OPCML: variants seen among roughly 807,000 people sequenced by gnomAD.
The protein encoded by OPCML is opioid-binding protein/cell adhesion molecule.
Under a neutral mutation model 37.8 loss-of-function variants are expected in OPCML, and 13 were observed. The observed-to-expected ratio is 0.34, with a 90% confidence interval of 0.22 to 0.55. The LOEUF is 0.55. Among genes scored for constraint, OPCML ranks in the 20% least tolerant of loss-of-function variants. The pLI is 0.91. For missense variants in OPCML, 341 were observed against 435.6 expected (o/e 0.78, Z 1.93); for synonymous variants, 176 against 168.8 (o/e 1.04, Z -0.33).
At chr11:133,004,632 G>A (rs1441767708) in intron 1 of OPCML, 16 of 985,344 alleles carry the variant, frequency 1.6e-5, no homozygotes, top group South Asian at 9.4e-5. Context: ...TGCCCCCACT[G>A]CTAACAGCTG....
intron 1 of OPCML, chr11:133,418,147 CAAGAAAGACTGGAA>C: frequency 1.0e-6 from 1 of 985,362 alleles, no homozygotes; most frequent in Non-Finnish European, 1.2e-6. Flanking sequence ...AGGAAACAAT[CAAGAAAGACTGGAA>C]AATACTCTCG....
At chr11:132,825,862 G>A (rs1940291797) in intron 2 of OPCML, among the ~76,000 whole-genome samples, 1 of 152,180 alleles carries the variant, frequency 6.6e-6, no homozygotes, top group South Asian at 2.1e-4. Flanking sequence ...ATATGCCCCT[G>A]GGCCGATGGG....
intron 1 of OPCML, among the ~76,000 whole-genome samples, chr11:133,022,992 C>T (rs966797268): frequency 6.6e-6 from 1 of 152,216 alleles, no homozygotes; most frequent in Non-Finnish European, 1.5e-5. Context: ...TATTTGTACA[C>T]GCATTACACC....
intron 2 of OPCML, among the ~76,000 whole-genome samples, chr11:132,791,081 A>G (rs967407841): frequency 2.0e-5 from 3 of 152,190 alleles, no homozygotes; most frequent in African/African-American, 7.2e-5. Context: ...GGGTATTGTA[A>G]CACTCTCATC....
intron 2 of OPCML, among the ~76,000 whole-genome samples, chr11:132,891,052 A>G (rs1432224007): frequency 6.6e-6 from 1 of 152,132 alleles, no homozygotes; most frequent in Non-Finnish European, 1.5e-5. Flanking sequence ...GCAATTTACA[A>G]GCCACATCCA....
chr11:132,948,820 TA>T (rs1165273636), intron 1 of OPCML, among the ~76,000 whole-genome samples: 2 of 152,048 alleles, frequency 1.3e-5, no homozygotes, highest in Non-Finnish European at 2.9e-5. Context: ...ATTTGTGACA[TA>T]AAAAAAGATG....
At chr11:132,633,190 G>A (rs1940261274) in intron 3 of OPCML, among the ~76,000 whole-genome samples, 1 of 152,020 alleles carries the variant, frequency 6.6e-6, no homozygotes, top group African/African-American at 2.4e-5. Flanking sequence ...TGTTTGAGGG[G>A]GACAATCGGT....
intron 1 of OPCML, among the ~76,000 whole-genome samples, chr11:133,102,841 T>C (rs1055655937): frequency 1.3e-5 from 2 of 152,140 alleles, no homozygotes; most frequent in African/African-American, 4.8e-5. Flanking sequence ...TGTATGTCTG[T>C]GTTGATGTGA....
At chr11:132,745,494 T>C (rs1240569163) in intron 2 of OPCML, among the ~76,000 whole-genome samples, 1 of 149,006 alleles carries the variant, frequency 6.7e-6, no homozygotes, top group Non-Finnish European at 1.5e-5. Context: ...CCATGTAACC[T>C]TTCTCCTCTC....
At chr11:133,510,901 A>ATG (rs1260087673) in intron 1 of OPCML, among the ~76,000 whole-genome samples, 320 of 150,560 alleles carry the variant, frequency 2.1e-3, no homozygotes, top group African/African-American at 7.5e-3. Flanking sequence ...ACACACACAC[A>ATG]CGCACACACA....
At position 132,539,021 on chromosome 11, in the gene OPCML, T is replaced by C. The variant is rs1001004743; in HGVS notation, c.380-9835A>G. ...TCTGTGTTCCATGACAACATATGTA[T>C]AACGATGTAATATATTCATTGAAAA... On this transcript the variant is annotated intron_variant, in intron 3 of 7. Transcript: ENST00000524381. Among the ~76,000 whole-genome samples the C allele has an allele frequency of 2.0e-5, 3 of 152,338 alleles. No homozygotes were observed. The East Asian group carries it at 5.8e-4, about 29-fold the overall frequency.
chr11:132,768,883 G>A (rs549922170), intron 2 of OPCML, among the ~76,000 whole-genome samples: 5 of 152,244 alleles, frequency 3.3e-5, no homozygotes, highest in South Asian at 2.1e-4. Flanking sequence ...GGGAAGAAGC[G>A]GGAGGAGAAA....
chr11:133,200,690 C>T (rs184567479), intron 1 of OPCML, among the ~76,000 whole-genome samples: 111 of 152,226 alleles, frequency 7.3e-4, no homozygotes, highest in African/African-American at 2.3e-3. Flanking sequence ...ATTTTTTCCA[C>T]GTAACAATAT....
intron 2 of OPCML, among the ~76,000 whole-genome samples, chr11:132,883,284 A>G (rs36093506): frequency 0.051 from 7,629 of 149,952 alleles, 222 homozygotes; most frequent in Middle Eastern, 0.074. Context: ...AAAAAAAAAA[A>G]GGGGGCTGAA....
chr11:133,421,279 G>C (rs1208712925), intron 1 of OPCML: 2 of 985,284 alleles, frequency 2.0e-6, no homozygotes, highest in East Asian at 1.1e-4. Context: ...GAGTGGAAAG[G>C]CATCATTTGT....
At chr11:133,099,220 G>A (rs1173492401) in intron 1 of OPCML, among the ~76,000 whole-genome samples, 1 of 151,370 alleles carries the variant, frequency 6.6e-6, no homozygotes, top group Non-Finnish European at 1.5e-5. Context: ...CATAAATAGA[G>A]TCAATAGTCT....
intron 1 of OPCML, among the ~76,000 whole-genome samples, chr11:133,146,840 G>C (rs937603743): frequency 2.6e-5 from 4 of 152,236 alleles, no homozygotes; most frequent in African/African-American, 9.7e-5. Flanking sequence ...GACAGGGCTA[G>C]AGCCCATGTT....
In OPCML at chr11:132,943,249, G is replaced by A. The variant is rs894428956; in HGVS notation, c.62-239C>T. 6 of 1,109,352 alleles carry A rather than the reference G, an allele frequency of 5.4e-6. No individual in the cohort carries two copies. The highest frequency in any genetic ancestry group is 1.6e-5 in the South Asian group (1 of 62,248). The allele number at this position is 1,109,352 out of a possible 1,614,324, so 68.7% of individuals were successfully genotyped here. On this transcript the variant is annotated intron_variant, in intron 1 of 7. Transcript: ENST00000524381. This position sits in a 1 kb window ranked among gnomAD's most constrained non-coding sequence, Gnocchi z 4.3. ...AGAAGAGAGGAGTCCGGGCTCTCCGGAGTCTGAGAATTCTTCCTCAGATCC... is the reference window on the plus strand; with the variant it reads ...AGAAGAGAGGAGTCCGGGCTCTCCGAAGTCTGAGAATTCTTCCTCAGATCC...
chr11:133,167,694 G>T (rs1336504161), intron 1 of OPCML, among the ~76,000 whole-genome samples: 1 of 151,892 alleles, frequency 6.6e-6, no homozygotes, highest in Non-Finnish European at 1.5e-5. Context: ...AGATCTCAAG[G>T]GTATGCTGGA....
Sources: gnomAD v4.1 joint callset for allele counts (sites outside exome capture counted in the v4.1 genomes callset) on GRCh38, gnomAD v4.1.1 for gene constraint, Gnocchi (gnomAD v3.1) non-coding constraint, MANE v1.5 for transcripts, NCBI Gene and HGNC (gene_info 2026-07-23, HGNC 2026-07-21) for gene names.